Variants in PCDHGA5 observed in about 807,000 individuals in gnomAD.
The protein encoded by PCDHGA5 is protocadherin gamma-A5.
Under a neutral mutation model 56.7 loss-of-function variants are expected in PCDHGA5, and 36 were observed. That is an observed-to-expected ratio of 0.64 (90% CI 0.49 to 0.84). The LOEUF is 0.84. Ranked by LOEUF, PCDHGA5 falls within the 40% of genes least tolerant of loss-of-function variation. PCDHGA5 has a pLI of 0.00. For missense variants in PCDHGA5, 1,305 were observed against 1,201.5 expected (o/e 1.09, Z -1.27); for synonymous variants, 563 against 520.2 (o/e 1.08, Z -1.12).
chr5:141,435,910 G>T (rs1296707748), intron 1 of PCDHGA5, among the ~76,000 whole-genome samples: 2 of 152,112 alleles, frequency 1.3e-5, no homozygotes, highest in Non-Finnish European at 2.9e-5. Flanking sequence ...ACATCCAAGG[G>T]CTCTAAAATG....
In PCDHGA5 at chr5:141,365,449, T is replaced by C. The variant is rs546328235; in HGVS notation, c.1119T>C (p.Asp373=). The C allele has an allele frequency of 6.1e-5, 99 of 1,614,052 alleles. 1 individual carries two copies. The East Asian group carries it at 2.2e-3, about 35-fold the overall frequency. Residue 373 remains aspartate, a synonymous_variant, in exon 1 of 4, where the codon GAT becomes GAC. Transcript: ENST00000518069. Reference sequence around the variant, plus strand: ...TAATCGCGCTGTTTAGCGTACATGATGGTGATTCTGGAGAAAATGGTGAGA... The same window carrying C: ...TAATCGCGCTGTTTAGCGTACATGACGGTGATTCTGGAGAAAATGGTGAGA... ...GTVIALFSVH[D]GDSGENGEIA... is the part of the protein sequence containing the mutation.
At chr5:141,497,664 C>T (rs779506763) in intron 2 of PCDHGA5, among the ~76,000 whole-genome samples, 14 of 151,904 alleles carry the variant, frequency 9.2e-5, no homozygotes, top group Non-Finnish European at 1.8e-4. Context: ...CTCAGCCTCC[C>T]GAGTAGCTGG....
chr5:141,394,808 T>G lies in PCDHGA5; in HGVS notation c.2421+28057T>G, dbSNP rs534137630. The G allele has an allele frequency of 9.9e-6, 16 of 1,613,872 alleles. No individual in the cohort carries two copies. The East Asian group carries it at 3.6e-4, about 36-fold the overall frequency. On this transcript the variant is annotated intron_variant, in intron 1 of 3. Coordinates refer to ENST00000518069, the MANE Select transcript of PCDHGA5 (RefSeq NM_018918.3). ...CTGTCACGCTCACCGTAGCCGTGGC[T>G]GACAGCATCCCCGAAGTCCTGACCG...
At chr5:141,374,560 C>A (rs185125730) in intron 1 of PCDHGA5, 12 of 1,613,708 alleles carry the variant, frequency 7.4e-6, no homozygotes, top group African/African-American at 1.3e-5. Context: ...AGGTCTATGA[C>A]CCTGATGTGG....
intron 1 of PCDHGA5, among the ~76,000 whole-genome samples, chr5:141,402,781 T>G (rs1456317365): frequency 1.3e-5 from 2 of 152,200 alleles, no homozygotes; most frequent in Non-Finnish European, 2.9e-5. Context: ...GATTTCCAGT[T>G]CTGCGGCTAC....
chr5:141,383,219 A>G (rs1333678455), intron 1 of PCDHGA5: 2 of 1,614,000 alleles, frequency 1.2e-6, no homozygotes, highest in Admixed American at 3.3e-5. Context: ...GTAAACTTTA[A>G]CATCCTGATG....
intron 1 of PCDHGA5, chr5:141,376,510 G>A: frequency 6.2e-7 from 1 of 1,614,028 alleles, no homozygotes; most frequent in Non-Finnish European, 8.5e-7. Flanking sequence ...AACTTCAGGT[G>A]AGTTTCTTTC....
At chr5:141,423,341 TC>T (rs767448191) in intron 1 of PCDHGA5, 181 of 1,614,176 alleles carry the variant, frequency 1.1e-4, no homozygotes, top group Admixed American at 2.7e-4. Context: ...TCCTGCATCT[TC>T]CTGGTCTTTG....
intron 1 of PCDHGA5, among the ~76,000 whole-genome samples, chr5:141,457,029 C>G (rs2098904194): frequency 6.6e-6 from 1 of 152,170 alleles, no homozygotes; most frequent in Non-Finnish European, 1.5e-5. Flanking sequence ...TCCTAGTAGA[C>G]TCAGTGATAG....
chr5:141,492,206 G>A (rs1180294159), intron 1 of PCDHGA5, among the ~76,000 whole-genome samples: 2 of 152,204 alleles, frequency 1.3e-5, no homozygotes, highest in Non-Finnish European at 2.9e-5. Context: ...TTAGGTGTGC[G>A]CGCGGGGCTC....
At chr5:141,370,615 T>A in intron 1 of PCDHGA5, 2 of 1,613,882 alleles carry the variant, frequency 1.2e-6, no homozygotes, top group Non-Finnish European at 1.7e-6. Context: ...GAGAAGAAAT[T>A]CTTTACCGTG....
At chr5:141,508,732 C>A (rs1037039751) in intron 3 of PCDHGA5, among the ~76,000 whole-genome samples, 3 of 151,880 alleles carry the variant, frequency 2.0e-5, no homozygotes, top group Non-Finnish European at 4.4e-5. Flanking sequence ...GGAGACTACA[C>A]CCCCCACCCC....
At chr5:141,430,557 G>C (rs1161595629) in intron 1 of PCDHGA5, 5 of 412,906 alleles carry the variant, frequency 1.2e-5, no homozygotes, top group Non-Finnish European at 1.7e-5. Context: ...TTCACCAATC[G>C]GGGAGAGAAA....
chr5:141,422,976 G>A lies in PCDHGA5; in HGVS notation c.2421+56225G>A, dbSNP rs558006468. On this transcript the variant is annotated intron_variant, in intron 1 of 3. Transcript: ENST00000518069. The stretch of plus-strand genomic sequence containing the variant: ...GCGTGGAGCTGGCGCCCCGCTCTGC[G>A]GAACCTGGCTACCTGGTGACCAAGG... 27 of 1,614,212 alleles carry A rather than the reference G, an allele frequency of 1.7e-5. No homozygotes were observed. In the East Asian group the frequency reaches 4.7e-4, roughly 28 times the overall value.
chr5:141,503,417 A>T (rs1431276679), intron 2 of PCDHGA5, among the ~76,000 whole-genome samples: 2 of 151,968 alleles, frequency 1.3e-5, no homozygotes, highest in Non-Finnish European at 2.9e-5. Flanking sequence ...CAATATGGTG[A>T]AACCCCATCT....
chr5:141,382,013 G>A (rs1000379234), intron 1 of PCDHGA5, among the ~76,000 whole-genome samples: 1 of 151,580 alleles, frequency 6.6e-6, no homozygotes, highest in Non-Finnish European at 1.5e-5. Context: ...ATTTTTAGTA[G>A]AGACGGGGTT....
intron 1 of PCDHGA5, chr5:141,392,432 T>C (rs2092535052): frequency 6.2e-6 from 1 of 160,182 alleles, no homozygotes; most frequent in African/African-American, 2.4e-5. Flanking sequence ...ATTCTTTGGC[T>C]GTTTCTTTTA....
At chr5:141,418,131 A>C (rs1421799777) in intron 1 of PCDHGA5, 1 of 1,614,044 alleles carries the variant, frequency 6.2e-7, no homozygotes, top group East Asian at 2.2e-5. Flanking sequence ...GACCGAATAG[A>C]CCGTGAGCAA....
At chr5:141,395,072 T>C in intron 1 of PCDHGA5, 1 of 1,614,148 alleles carries the variant, frequency 6.2e-7, no homozygotes, top group Non-Finnish European at 8.5e-7. Context: ...TGCAGACCTA[T>C]TCCCAGGAAG....
Sources: allele counts gnomAD v4.1 joint callset (sites outside exome capture counted in the v4.1 genomes callset), GRCh38; gene constraint gnomAD v4.1.1; transcripts MANE v1.5; gene names NCBI Gene and HGNC (gene_info 2026-07-23, HGNC 2026-07-21).